The following ANO6 variants were observed in gnomAD, a reference collection of about 807,000 sequenced individuals.
ANO6 encodes anoctamin-6.
A neutral mutation model predicts 117.5 loss-of-function variants in ANO6; 106 were observed. The observed-to-expected ratio is 0.90, with a 90% CI of 0.77 to 1.06. ANO6 has a LOEUF of 1.06. Ranked by LOEUF, ANO6 falls within the 50% of genes least tolerant of loss-of-function variation. ANO6 has a pLI of 0.00. For synonymous variants in ANO6, 367 were observed against 385.1 expected (o/e 0.95, Z 0.55); for missense variants, 955 against 1,121.1 (o/e 0.85, Z 2.12).
intron 1 of ANO6, among the ~76,000 whole-genome samples, chr12:45,257,600 C>G (rs1937881326): frequency 6.6e-6 from 1 of 152,192 alleles, no homozygotes; most frequent in Admixed American, 6.5e-5. Flanking sequence ...CCTTTAAATT[C>G]TGCCTTCCAT....
At chr12:45,296,610 T>C (rs1271915608) in intron 1 of ANO6, among the ~76,000 whole-genome samples, 1 of 152,234 alleles carries the variant, frequency 6.6e-6, no homozygotes, top group Non-Finnish European at 1.5e-5. Context: ...TTAAAATTTA[T>C]ATACAATACT....
At chr12:45,360,455 A>G (rs1211710748) in intron 8 of ANO6, among the ~76,000 whole-genome samples, 1 of 152,228 alleles carries the variant, frequency 6.6e-6, no homozygotes, top group Non-Finnish European at 1.5e-5. Context: ...ATCACTTGTT[A>G]AAGTCTCCAC....
intron 9 of ANO6, among the ~76,000 whole-genome samples, chr12:45,371,132 C>G (rs528321332): frequency 6.6e-6 from 1 of 152,172 alleles, no homozygotes; most frequent in African/African-American, 2.4e-5. Flanking sequence ...CACTCCCACC[C>G]GAATACTGCG....
intron 1 of ANO6, among the ~76,000 whole-genome samples, chr12:45,286,720 T>TACAAGTA (rs1344200556): frequency 1.3e-5 from 2 of 152,210 alleles, no homozygotes; most frequent in Admixed American, 1.3e-4. Flanking sequence ...TCATTTGCAA[T>TACAAGTA]ACAAGTAGCT....
At chr12:45,418,833 T>G (rs1222748287) in intron 17 of ANO6, among the ~76,000 whole-genome samples, 1 of 152,242 alleles carries the variant, frequency 6.6e-6, no homozygotes, top group African/African-American at 2.4e-5. Context: ...AACTGCTTAT[T>G]AGATTTGTGA....
intron 10 of ANO6, among the ~76,000 whole-genome samples, chr12:45,378,871 A>G (rs1942099423): frequency 6.6e-6 from 1 of 152,188 alleles, no homozygotes; most frequent in African/African-American, 2.4e-5. Context: ...TGCTACTCGT[A>G]TAATAACAAC....
intron 1 of ANO6, among the ~76,000 whole-genome samples, chr12:45,233,340 G>A (rs1306462675): frequency 6.6e-6 from 1 of 152,146 alleles, no homozygotes; most frequent in Admixed American, 6.5e-5. Flanking sequence ...ATTAAAGCTT[G>A]CTTTGTTTTC....
At chr12:45,336,547 C>T (rs1028222448) in intron 3 of ANO6, among the ~76,000 whole-genome samples, 2 of 151,954 alleles carry the variant, frequency 1.3e-5, no homozygotes, top group Non-Finnish European at 2.9e-5. Context: ...GACATCATAG[C>T]TGTCTTAACA....
chr12:45,428,693 AAGTG>A (rs1943563316), intron 19 of ANO6, among the ~76,000 whole-genome samples: 1 of 152,222 alleles, frequency 6.6e-6, no homozygotes, highest in African/African-American at 2.4e-5. Flanking sequence ...TTTAAAAAAT[AAGTG>A]AGAATGATAC....
At chr12:45,409,205 AAGG>A (rs1943022572) in intron 15 of ANO6, 149 bp from the exon 16 acceptor site, 3 of 918,262 alleles carry the variant, frequency 3.3e-6, no homozygotes, top group African/African-American at 3.3e-5. Flanking sequence ...ATTTTGGAAT[AAGG>A]AGGCAGAAAT....
At chr12:45,283,302 C>T (rs750965683) in intron 1 of ANO6, among the ~76,000 whole-genome samples, 9 of 152,104 alleles carry the variant, frequency 5.9e-5, no homozygotes, top group African/African-American at 1.4e-4. Context: ...GAAAATGAAG[C>T]GTAGGTTGAA....
chr12:45,261,944 G>A (rs1274738172), intron 1 of ANO6, among the ~76,000 whole-genome samples: 1 of 152,216 alleles, frequency 6.6e-6, no homozygotes, highest in Non-Finnish European at 1.5e-5. Context: ...GTGAAGGCAA[G>A]CACAAATGAT....
chr12:45,281,799 G>A (rs1418648548), intron 1 of ANO6, among the ~76,000 whole-genome samples: 1 of 152,198 alleles, frequency 6.6e-6, no homozygotes, highest in Non-Finnish European at 1.5e-5. Flanking sequence ...GTTTCCTAAT[G>A]GGAAGCTATT....
chr12:45,338,876 T>G (rs1940900466), intron 3 of ANO6, among the ~76,000 whole-genome samples: 1 of 152,004 alleles, frequency 6.6e-6, no homozygotes, highest in South Asian at 2.1e-4. Flanking sequence ...ATTATTCTAT[T>G]TTATCCTACT....
chr12:45,439,920 A>G (rs1023537484), exon 20 of ANO6: 5 of 1,488,874 alleles, frequency 3.4e-6, no homozygotes, highest in Non-Finnish European at 3.6e-6. Flanking sequence ...GTTTTTCTGT[A>G]TCGAATTTCT....
At chr12:45,382,045 A>C (rs1391611979) in intron 10 of ANO6, among the ~76,000 whole-genome samples, 1 of 152,150 alleles carries the variant, frequency 6.6e-6, no homozygotes, top group Non-Finnish European at 1.5e-5. Context: ...GAAAGTGACA[A>C]GCATAGAATA....
intron 1 of ANO6, among the ~76,000 whole-genome samples, chr12:45,237,975 T>A (rs1206281163): frequency 6.6e-6 from 1 of 152,130 alleles, no homozygotes; most frequent in Non-Finnish European, 1.5e-5. Flanking sequence ...TATTTTATTC[T>A]CTTTGTAGCA....
chr12:45,328,177 G>C (rs142205453), intron 2 of ANO6, among the ~76,000 whole-genome samples: 74 of 152,164 alleles, frequency 4.9e-4, no homozygotes, highest in African/African-American at 1.8e-3. Flanking sequence ...ATTCCTGAAT[G>C]CCTGGTCAGG....
intron 1 of ANO6, among the ~76,000 whole-genome samples, chr12:45,237,428 A>C (rs1020025139): frequency 6.6e-6 from 1 of 152,186 alleles, no homozygotes; most frequent in Non-Finnish European, 1.5e-5. Context: ...ATCCAGTTTC[A>C]GTTTTCTACA....
Sources: allele counts gnomAD v4.1 joint callset (sites outside exome capture counted in the v4.1 genomes callset), GRCh38; gene constraint gnomAD v4.1.1; transcripts MANE v1.5; gene names NCBI Gene and HGNC (gene_info 2026-07-23, HGNC 2026-07-21).